The following USH2A variants were observed in gnomAD, a reference collection of about 807,000 sequenced individuals.
USH2A encodes Usher syndrome 2A (autosomal recessive, mild).
In USH2A, 443 loss-of-function variants were observed where a neutral mutation model predicts 538.9. The observed-to-expected ratio is 0.82, with a 90% CI of 0.76 to 0.89. USH2A has a LOEUF of 0.89. USH2A is among the 40% of genes least tolerant of loss of function. USH2A has a pLI of 0.00. For synonymous variants in USH2A, 2,413 were observed against 2,273.5 expected, an observed-to-expected ratio of 1.06 and a Z score of -1.75; for missense variants, 6,633 against 6,324.8, an observed-to-expected ratio of 1.05 and a Z score of -1.65.
At chr1:216,235,827 G>T (rs1421948499) in intron 13 of USH2A, among the ~76,000 whole-genome samples, 1 of 152,140 alleles carries the variant, frequency 6.6e-6, no homozygotes, top group African/African-American at 2.4e-5. Context: ...ACATTTAGAA[G>T]AAACTACTCT....
At chr1:216,012,608 G>T (rs1366689659) in intron 32 of USH2A, among the ~76,000 whole-genome samples, 1 of 152,032 alleles carries the variant, frequency 6.6e-6, no homozygotes. Flanking sequence ...AGTTTTTCAG[G>T]CTCTTAGTAT....
chr1:216,257,396 T>A (rs1427069821), intron 11 of USH2A, among the ~76,000 whole-genome samples: 1 of 152,060 alleles, frequency 6.6e-6, no homozygotes, highest in Non-Finnish European at 1.5e-5. Flanking sequence ...TCTGTTGTCA[T>A]TCTTACTGTT....
chr1:216,222,558 G>T (rs994836376), intron 14 of USH2A, among the ~76,000 whole-genome samples: 7 of 152,184 alleles, frequency 4.6e-5, no homozygotes, highest in Non-Finnish European at 7.3e-5. Context: ...AATGCCCAAT[G>T]TAATCTACGG....
chr1:215,973,909 A>G (rs1667555616), intron 35 of USH2A, among the ~76,000 whole-genome samples: 1 of 150,866 alleles, frequency 6.6e-6, no homozygotes, highest in Non-Finnish European at 1.5e-5. Flanking sequence ...GAGGTGGATG[A>G]GAATGAAGTC....
At chr1:216,139,375 G>A (rs760694829) in intron 21 of USH2A, among the ~76,000 whole-genome samples, 11 of 150,042 alleles carry the variant, frequency 7.3e-5, no homozygotes, top group Non-Finnish European at 1.5e-4. Flanking sequence ...CCCTTGAGTC[G>A]CAGCTGACTC....
At chr1:216,314,918 G>T (rs1326743466) in intron 9 of USH2A, among the ~76,000 whole-genome samples, 1 of 152,190 alleles carries the variant, frequency 6.6e-6, no homozygotes, top group Non-Finnish European at 1.5e-5. Flanking sequence ...AGTAGCCAAT[G>T]AAGTGCCAAT....
intron 21 of USH2A, among the ~76,000 whole-genome samples, chr1:216,117,115 T>A (rs1052466646): frequency 9.2e-5 from 14 of 152,118 alleles, no homozygotes; most frequent in African/African-American, 3.4e-4. Flanking sequence ...TGACACTTTG[T>A]CTTTGGTAGC....
chr1:216,109,366 C>T (rs1023322474), intron 21 of USH2A, among the ~76,000 whole-genome samples: 1 of 152,150 alleles, frequency 6.6e-6, no homozygotes, highest in Admixed American at 6.6e-5. Flanking sequence ...ATAGCATACT[C>T]CTCCGCTGTC....
chr1:216,105,752 TC>T (rs2032714768), intron 21 of USH2A, among the ~76,000 whole-genome samples: 1 of 152,020 alleles, frequency 6.6e-6, no homozygotes, highest in South Asian at 2.1e-4. Context: ...ACATGATAAA[TC>T]TTCATCTATT....
intron 21 of USH2A, among the ~76,000 whole-genome samples, chr1:216,116,169 A>C (rs1329504567): frequency 6.6e-6 from 1 of 151,860 alleles, no homozygotes; most frequent in Non-Finnish European, 1.5e-5. Context: ...TTATACCTCA[A>C]ATAAGATCCA....
At chr1:216,330,613 G>T (rs557542697) in intron 4 of USH2A, among the ~76,000 whole-genome samples, 146 of 152,088 alleles carry the variant, frequency 9.6e-4, no homozygotes, top group African/African-American at 3.3e-3. Flanking sequence ...TAGCTGGCTG[G>T]GGGAGAGGGG....
intron 4 of USH2A, among the ~76,000 whole-genome samples, chr1:216,337,908 CA>C (rs2038003579): frequency 6.6e-6 from 1 of 150,950 alleles, no homozygotes; most frequent in Non-Finnish European, 1.5e-5. Flanking sequence ...ATACTATTTA[CA>C]ATAGCACCAA....
At chr1:215,645,472 G>A (rs1036375923) in intron 67 of USH2A, among the ~76,000 whole-genome samples, 3 of 152,110 alleles carry the variant, frequency 2.0e-5, no homozygotes, top group Non-Finnish European at 2.9e-5. Context: ...TCCTGGAATC[G>A]CAGTACACAG....
chr1:215,918,262 G>T lies in USH2A; in HGVS notation c.7300+16354C>A, dbSNP rs191196166. Among the ~76,000 whole-genome samples, 463 of 152,166 alleles carry T rather than the reference G, an allele frequency of 3.0e-3. 1 individual carries two copies. The highest frequency in any genetic ancestry group is 4.8e-3 in the Non-Finnish European group (324 of 67,988). Reference sequence around the variant, plus strand: ...TAAAATACTTAAATGTGGGGTGTCTGCTATGGTCTATGTCCCTCCTATAAT... The same window carrying T: ...TAAAATACTTAAATGTGGGGTGTCTTCTATGGTCTATGTCCCTCCTATAAT... On this transcript the variant is annotated intron_variant, in intron 38 of 71. Coordinates refer to ENST00000307340, the MANE Select transcript of USH2A (RefSeq NM_206933.4).
intron 38 of USH2A, among the ~76,000 whole-genome samples, chr1:215,929,773 C>T (rs745520376): frequency 6.6e-6 from 1 of 152,014 alleles, no homozygotes; most frequent in South Asian, 2.1e-4. Flanking sequence ...TGCAGATTTG[C>T]TCATAGTCAC....
chr1:215,673,876 G>A (rs1006078931), intron 63 of USH2A, among the ~76,000 whole-genome samples: 1 of 152,090 alleles, frequency 6.6e-6, no homozygotes, highest in African/African-American at 2.4e-5. Context: ...CTGAAACACT[G>A]ACTCTCAAAA....
chr1:215,724,258 C>T (rs928211157), intron 61 of USH2A, among the ~76,000 whole-genome samples: 2 of 151,168 alleles, frequency 1.3e-5, no homozygotes, highest in African/African-American at 4.9e-5. Context: ...CAAACACACA[C>T]ACTGTAGAAT....
intron 41 of USH2A, among the ~76,000 whole-genome samples, chr1:215,883,426 G>GCTAT (rs1664969535): frequency 6.6e-6 from 1 of 151,248 alleles, no homozygotes; most frequent in Non-Finnish European, 1.5e-5. Flanking sequence ...GCTACATATA[G>GCTAT]CTATCTTTTT....
chr1:216,055,277 G>C (rs1386251100), intron 30 of USH2A, among the ~76,000 whole-genome samples: 1 of 152,104 alleles, frequency 6.6e-6, no homozygotes, highest in Non-Finnish European at 1.5e-5. Context: ...AAGTGAGGGT[G>C]GGCAAGAGCA....
Sources: gnomAD v4.1 joint callset for allele counts (sites outside exome capture counted in the v4.1 genomes callset) on GRCh38, gnomAD v4.1.1 for gene constraint, MANE v1.5 for transcripts, NCBI Gene and HGNC (gene_info 2026-07-23, HGNC 2026-07-21) for gene names.